Variants in C11orf65 observed in about 807,000 individuals in gnomAD.
C11orf65 encodes protein MFI.
A neutral mutation model predicts 35.3 loss-of-function variants in C11orf65; 38 were observed. The ratio of observed to expected loss-of-function variants is 1.08; its 90% CI spans 0.83 to 1.41. The LOEUF is 1.41. C11orf65 is among the 40% of genes most tolerant of loss of function. The pLI is 0.00. For synonymous variants in C11orf65, 105 were observed against 114.4 expected (o/e 0.92, Z 0.53); for missense variants, 370 against 367.1 (o/e 1.01, Z -0.06).
chr11:108,449,209 C>G (rs973772792), intron 2 of C11orf65, among the ~76,000 whole-genome samples: 16 of 152,040 alleles, frequency 1.1e-4, no homozygotes, highest in African/African-American at 3.9e-4. Context: ...GCCCTACTGC[C>G]CAAGGTAATT....
intron 3 of C11orf65, among the ~76,000 whole-genome samples, chr11:108,414,670 C>T (rs2092706286): frequency 6.6e-6 from 1 of 152,018 alleles, no homozygotes; most frequent in African/African-American, 2.4e-5. Flanking sequence ...TTTACAGTCT[C>T]TTCCAGAAAA....
chr11:108,405,946 C>T (rs1354059542), intron 5 of C11orf65, among the ~76,000 whole-genome samples: 1 of 152,194 alleles, frequency 6.6e-6, no homozygotes, highest in African/African-American at 2.4e-5. Context: ...GTCCCTGTAC[C>T]ATGTCCTAAG....
At chr11:108,368,249 A>AT in intron 2 of C11orf65, 1 of 205,290 alleles carries the variant, frequency 4.9e-6, no homozygotes, top group Non-Finnish European at 9.9e-6. Context: ...CAGGGTTGCC[A>AT]TTGTATTCCA....
At position 108,461,498 on chromosome 11, in the gene C11orf65, T is replaced by C; in HGVS notation, c.62A>G (p.Gln21Arg). ...KQDKAARVIQ[Q>R]AWKSFLNVAI... The stretch of plus-strand genomic sequence containing the variant: ...ACTCACAAGGAAACTTTTCCAGGCC[T>C]GCTGAATGACTCTGGCAGCCTTATC... The change falls in exon 2 of 9, where the codon CAG becomes CGG. Residue 21 changes from glutamine (Q) to arginine (R), a missense_variant. Coordinates refer to ENST00000393084, the MANE Select transcript of C11orf65 (RefSeq NM_152587.5). 1 of 1,609,658 alleles carries C rather than the reference T, an allele frequency of 6.2e-7. No individual in the cohort carries two copies. The highest frequency in any genetic ancestry group is 8.5e-7 in the Non-Finnish European group (1 of 1,177,876).
At chr11:108,453,255 T>A in intron 2 of C11orf65, among the ~76,000 whole-genome samples, 1 of 134,292 alleles carries the variant, frequency 7.4e-6, no homozygotes, top group South Asian at 2.5e-4. Flanking sequence ...TCAAAATAAC[T>A]AAAAAGTTAA....
At chr11:108,329,355 G>A (rs949795218), downstream of C11orf65, 23 of 943,688 alleles carry the variant, frequency 2.4e-5, no homozygotes, top group East Asian at 5.3e-5. Context: ...TCTAAAGGTC[G>A]GCTTAACTAT....
intron 2 of C11orf65, among the ~76,000 whole-genome samples, chr11:108,338,514 G>A (rs1436671852): frequency 1.3e-5 from 2 of 152,078 alleles, no homozygotes; most frequent in Non-Finnish European, 2.9e-5. Context: ...ATTTAGCCAG[G>A]CATGATGGCA....
intron 2 of C11orf65, among the ~76,000 whole-genome samples, chr11:108,434,931 C>T (rs984169801): frequency 2.6e-5 from 4 of 152,150 alleles, no homozygotes; most frequent in African/African-American, 9.7e-5. Flanking sequence ...TCCCAATCAC[C>T]CTGAAGTAAC....
intron 2 of C11orf65, among the ~76,000 whole-genome samples, chr11:108,376,280 T>C (rs1268532417): frequency 1.3e-5 from 2 of 151,456 alleles, no homozygotes; most frequent in African/African-American, 4.8e-5. Flanking sequence ...TAACAAACTG[T>C]CTCTCAGACC....
intron 2 of C11orf65, among the ~76,000 whole-genome samples, chr11:108,349,391 G>A (rs1230055388): frequency 1.3e-5 from 2 of 151,798 alleles, no homozygotes; most frequent in African/African-American, 2.4e-5. Context: ...TCTGCCAGGC[G>A]CGGTGGATCA....
chr11:108,345,845 G>T lies in C11orf65; in HGVS notation c.227-10553C>A, dbSNP rs786203013. The T allele has an allele frequency of 3.1e-6, 5 of 1,613,846 alleles. No individual in the cohort carries two copies. Among genetic ancestry groups the T allele is most frequent in the Middle Eastern group, 3.3e-4 (2 of 6,056 alleles). ...TTACTTCTGCATGGAAAAATTCTTG[G>T]ATCCAGCTATTTGGTTTGAGAAGCG... On this transcript the variant is annotated intron_variant, in intron 2 of 3. Coordinates refer to the C11orf65 transcript ENST00000524755.
At chr11:108,378,168 G>A (rs185828669), downstream of C11orf65, among the ~76,000 whole-genome samples, 295 of 149,352 alleles carry the variant, frequency 2.0e-3, 1 homozygote, top group Non-Finnish European at 3.3e-3. Flanking sequence ...GGCCCGCATC[G>A]GCAAGTCAAT....
intron 6 of C11orf65, among the ~76,000 whole-genome samples, chr11:108,325,018 G>C (rs1335882936): frequency 6.6e-6 from 1 of 152,158 alleles, no homozygotes; most frequent in African/African-American, 2.4e-5. Context: ...TGTTTCAGAA[G>C]AGTATTTAGA....
At chr11:108,398,713 G>A (rs918889938) in intron 6 of C11orf65, among the ~76,000 whole-genome samples, 5 of 152,180 alleles carry the variant, frequency 3.3e-5, no homozygotes, top group African/African-American at 1.2e-4. Flanking sequence ...GGCACATATG[G>A]TAGGTGAATT....
chr11:108,315,919 G>T lies in C11orf65; in HGVS notation c.641-6848C>A, dbSNP rs547072690. The T allele has an allele frequency of 4.3e-6, 7 of 1,609,504 alleles. No homozygotes were observed. In the East Asian group the frequency reaches 1.6e-4, roughly 36 times the overall value. On this transcript the variant is annotated intron_variant, in intron 6 of 6. Coordinates refer to the C11orf65 transcript ENST00000525729. ...GTTACAACCCATTACTAGGTAAATT[G>T]CATTTTTCTAAACAACGGTATAGTA... is the stretch of plus-strand genomic sequence containing the variant.
At chr11:108,317,539 A>ATTT (rs58978479) in intron 6 of C11orf65, 2 of 1,318,224 alleles carry the variant, frequency 1.5e-6, no homozygotes, top group Non-Finnish European at 1.0e-6. Context: ...ATTTGACTTG[A>ATTT]TTTTTTTTTT....
At chr11:108,463,026 T>C (rs1242171465) in intron 1 of C11orf65, among the ~76,000 whole-genome samples, 1 of 152,050 alleles carries the variant, frequency 6.6e-6, no homozygotes, top group East Asian at 1.9e-4. Flanking sequence ...CTTGGGAGGC[T>C]GAAACAGGAG....
At chr11:108,353,133 A>C (rs1274330288) in intron 2 of C11orf65, among the ~76,000 whole-genome samples, 1 of 152,048 alleles carries the variant, frequency 6.6e-6, no homozygotes, top group Non-Finnish European at 1.5e-5. Flanking sequence ...TGAACATATA[A>C]TTATCTCATA....
chr11:108,353,636 A>G (rs931222013), intron 2 of C11orf65: 2 of 743,626 alleles, frequency 2.7e-6, no homozygotes, highest in East Asian at 5.2e-5. Flanking sequence ...GAAGTAAACT[A>G]CTGTACATAC....
Sources: gnomAD v4.1 joint callset for allele counts (sites outside exome capture counted in the v4.1 genomes callset) on GRCh38, gnomAD v4.1.1 for gene constraint, MANE v1.5 for transcripts, NCBI Gene and HGNC (gene_info 2026-07-23, HGNC 2026-07-21) for gene names.